Variants in RGS6 observed in about 807,000 individuals in gnomAD.
The protein encoded by RGS6 is regulator of G protein signaling 6, also known as regulator of G-protein signaling 6.
RGS6 carries 30 observed loss-of-function variants against 78.5 expected under a neutral mutation model. That is an observed-to-expected ratio of 0.38 (90% CI 0.29 to 0.52). The LOEUF is 0.52. RGS6 is among the 20% of genes least tolerant of loss of function. The pLI is 0.85. For missense variants in RGS6, 495 were observed against 609.7 expected, an observed-to-expected ratio of 0.81 and a Z score of 1.98; for synonymous variants, 206 against 206.0, an observed-to-expected ratio of 1.00 and a Z score of 0.00.
At chr14:72,252,988 T>G (rs569114059) in intron 2 of RGS6, among the ~76,000 whole-genome samples, 1 of 152,342 alleles carries the variant, frequency 6.6e-6, no homozygotes, top group East Asian at 1.9e-4. Flanking sequence ...TGTTGTCCAC[T>G]CAAACTGCTC....
At chr14:72,534,024 T>C (rs1190198057) in intron 15 of RGS6, among the ~76,000 whole-genome samples, 1 of 152,240 alleles carries the variant, frequency 6.6e-6, no homozygotes, top group Non-Finnish European at 1.5e-5. Context: ...TAAAATGCTA[T>C]CAAACACCAT....
intron 2 of RGS6, among the ~76,000 whole-genome samples, chr14:72,319,710 C>G (rs995766495): frequency 2.6e-5 from 4 of 152,126 alleles, no homozygotes; most frequent in African/African-American, 7.2e-5. Context: ...ACACTAGACA[C>G]TGCCGAACAT....
At chr14:72,424,964 A>C (rs1470091020) in intron 3 of RGS6, among the ~76,000 whole-genome samples, 1 of 152,244 alleles carries the variant, frequency 6.6e-6, no homozygotes. Flanking sequence ...AAGATGCAAC[A>C]GTGCTGAGAA....
chr14:72,035,296 C>T (rs1044988151), intron 2 of RGS6, among the ~76,000 whole-genome samples: 7 of 49,510 alleles, frequency 1.4e-4, no homozygotes, highest in Non-Finnish European at 3.1e-4. Flanking sequence ...TTATTCATAG[C>T]AATATATTAT....
At chr14:72,161,277 C>T (rs141052204) in intron 2 of RGS6, among the ~76,000 whole-genome samples, 1 of 152,180 alleles carries the variant, frequency 6.6e-6, no homozygotes, top group Non-Finnish European at 1.5e-5. Flanking sequence ...GAAGAAATAC[C>T]TAATGTAGAT....
At chr14:72,285,595 G>T (rs1344197662) in intron 2 of RGS6, among the ~76,000 whole-genome samples, 1 of 152,112 alleles carries the variant, frequency 6.6e-6, no homozygotes, top group Non-Finnish European at 1.5e-5. Flanking sequence ...TCTCCATACT[G>T]CTTTCCATAG....
At chr14:72,054,229 A>G (rs900856904) in intron 2 of RGS6, among the ~76,000 whole-genome samples, 3 of 151,866 alleles carry the variant, frequency 2.0e-5, no homozygotes, top group African/African-American at 7.3e-5. Context: ...TTGTTAAATT[A>G]TACATTGGAT....
chr14:71,909,066 G>C, the RGS6 span, among the ~76,000 whole-genome samples: 535 of 152,246 alleles, frequency 3.5e-3, 5 homozygotes, highest in African/African-American at 0.012. Flanking sequence ...AGTGGGCTTA[G>C]GTTGAAGGAT....
At chr14:72,625,437 T>C in the RGS6 span, among the ~76,000 whole-genome samples, 1 of 152,252 alleles carries the variant, frequency 6.6e-6, no homozygotes, top group African/African-American at 2.4e-5. Flanking sequence ...TTTCATTTTT[T>C]GAACACTTCC....
At chr14:71,993,413 G>A (rs1468851793) in intron 2 of RGS6, among the ~76,000 whole-genome samples, 1 of 152,092 alleles carries the variant, frequency 6.6e-6, no homozygotes, top group Non-Finnish European at 1.5e-5. Context: ...TATAATAATA[G>A]TAATAATAAT....
chr14:72,349,315 G>A (rs1290425847), intron 2 of RGS6, among the ~76,000 whole-genome samples: 2 of 152,098 alleles, frequency 1.3e-5, no homozygotes, highest in Non-Finnish European at 2.9e-5. Context: ...ACTATTCTGA[G>A]GCGTGTTCTT....
intron 2 of RGS6, among the ~76,000 whole-genome samples, chr14:72,061,858 T>A (rs2093912991): frequency 1.3e-5 from 2 of 152,252 alleles, no homozygotes; most frequent in African/African-American, 4.8e-5. Flanking sequence ...AATTGCTAAT[T>A]CATTCATTCT....
chr14:72,412,241 G>C (rs375219277), intron 3 of RGS6, among the ~76,000 whole-genome samples: 2 of 152,040 alleles, frequency 1.3e-5, no homozygotes, highest in African/African-American at 2.4e-5. Context: ...GCCTCAATTT[G>C]AGAGCCTGTT....
At chr14:72,197,832 C>T (rs2040550400) in intron 2 of RGS6, among the ~76,000 whole-genome samples, 1 of 152,078 alleles carries the variant, frequency 6.6e-6, no homozygotes. Context: ...CTTCAGGGAT[C>T]ACTGGGGAAT....
At chr14:71,891,259 C>T in the RGS6 span, among the ~76,000 whole-genome samples, 5 of 152,274 alleles carry the variant, frequency 3.3e-5, no homozygotes, top group South Asian at 2.1e-4. Flanking sequence ...GGGAAGGGCT[C>T]GACTGGGTGG....
intron 2 of RGS6, among the ~76,000 whole-genome samples, chr14:72,005,101 G>T (rs1457349623): frequency 6.6e-6 from 1 of 152,130 alleles, no homozygotes; most frequent in Admixed American, 6.6e-5. Flanking sequence ...AAGCACAAAT[G>T]GTCATTAATA....
chr14:72,046,700 A>C lies in RGS6; in HGVS notation c.84+81825A>C, dbSNP rs376763710. Reference sequence around the variant, plus strand: ...CTTCATCTTAACTCATCCTTCACTAAAAAGAGTTATATTAGCATTAGAAGT... The same window carrying C: ...CTTCATCTTAACTCATCCTTCACTACAAAGAGTTATATTAGCATTAGAAGT... On this transcript the variant is annotated intron_variant, in intron 2 of 17. Coordinates refer to ENST00000553525, the MANE Select transcript of RGS6 (RefSeq NM_001204424.2). 1.4e-4 allele frequency among the ~76,000 whole-genome samples: 22 copies of C among 151,846 alleles called. No homozygotes were observed. In the East Asian group the frequency reaches 3.5e-3, roughly 24 times the overall value.
intron 2 of RGS6, among the ~76,000 whole-genome samples, chr14:72,322,522 G>A (rs58216158): frequency 0.16 from 23,695 of 151,962 alleles, 1,829 homozygotes; most frequent in African/African-American, 0.19. Context: ...TAAACCAAGT[G>A]AAAGCATCCA....
chr14:72,485,237 A>G (rs970500977), intron 12 of RGS6, among the ~76,000 whole-genome samples: 1 of 152,130 alleles, frequency 6.6e-6, no homozygotes, highest in African/African-American at 2.4e-5. Context: ...TATTTCTTCC[A>G]TCTCATCCCA....
Sources: allele counts gnomAD v4.1 joint callset (sites outside exome capture counted in the v4.1 genomes callset), GRCh38; gene constraint gnomAD v4.1.1; transcripts MANE v1.5; gene names NCBI Gene and HGNC (gene_info 2026-07-23, HGNC 2026-07-21).